The following CCDC192 variants were observed in gnomAD, a reference collection of about 807,000 sequenced individuals.
CCDC192 encodes the protein coiled-coil domain containing 192.
At chr5:127,899,553 C>T (rs1336335825) in intron 6 of CCDC192, among the ~76,000 whole-genome samples, 1 of 120,456 alleles carries the variant, frequency 8.3e-6, no homozygotes, top group East Asian at 2.3e-4. Flanking sequence ...ACCATCGTCA[C>T]ACTGCACCAA....
At chr5:127,911,425 C>T (rs1753343238) in intron 6 of CCDC192, among the ~76,000 whole-genome samples, 2 of 152,160 alleles carry the variant, frequency 1.3e-5, no homozygotes. Flanking sequence ...GAGACATTAC[C>T]AGTTACTTGT....
At chr5:127,765,731 A>G (rs1446594889) in intron 3 of CCDC192, among the ~76,000 whole-genome samples, 1 of 152,234 alleles carries the variant, frequency 6.6e-6, no homozygotes, top group African/African-American at 2.4e-5. Flanking sequence ...ACAGACTTCC[A>G]AAGAGGGGAG....
chr5:127,838,141 C>T (rs1386435404), intron 5 of CCDC192, among the ~76,000 whole-genome samples: 1 of 152,210 alleles, frequency 6.6e-6, no homozygotes, highest in East Asian at 1.9e-4. Context: ...TCTTTCATCT[C>T]CCTGACTCCT....
chr5:127,725,209 C>T lies in CCDC192; in HGVS notation c.114+17449C>T, dbSNP rs1009563192. The stretch of plus-strand genomic sequence containing the variant: ...GATACAGTCTGTCCTGTATGAAGTA[C>T]TCTATTTTCTTTATTTTCCATAGAG... On this transcript the variant is annotated intron_variant, in intron 2 of 6. Coordinates refer to ENST00000514853, the MANE Select transcript of CCDC192 (RefSeq NM_001317938.2). Among the ~76,000 whole-genome samples, 27 of 152,090 alleles carry T rather than the reference C, an allele frequency of 1.8e-4. 1 individual carries two copies. Among genetic ancestry groups the T allele is most frequent in the Non-Finnish European group, 4.0e-4 (27 of 67,996 alleles).
At chr5:127,916,131 T>C (rs1462288659) in intron 6 of CCDC192, among the ~76,000 whole-genome samples, 2 of 152,274 alleles carry the variant, frequency 1.3e-5, no homozygotes, top group African/African-American at 4.8e-5. Flanking sequence ...GTTCACAGCA[T>C]CTTCACCAGG....
chr5:127,911,833 A>G (rs1281744162), intron 6 of CCDC192, among the ~76,000 whole-genome samples: 2 of 151,462 alleles, frequency 1.3e-5, no homozygotes, highest in Non-Finnish European at 2.9e-5. Flanking sequence ...CTGTCTCCTC[A>G]GTAGCTGGGA....
At chr5:127,804,189 A>G (rs1355010211) in intron 5 of CCDC192, among the ~76,000 whole-genome samples, 1 of 152,212 alleles carries the variant, frequency 6.6e-6, no homozygotes, top group Non-Finnish European at 1.5e-5. Flanking sequence ...TGTTCTTACC[A>G]TAACAGAGGA....
chr5:127,891,471 T>C (rs1045763880), intron 6 of CCDC192, among the ~76,000 whole-genome samples: 1 of 149,290 alleles, frequency 6.7e-6, no homozygotes, highest in African/African-American at 2.5e-5. Flanking sequence ...TTTCTCCTGA[T>C]TGCTTTTTGT....
intron 6 of CCDC192, among the ~76,000 whole-genome samples, chr5:127,915,120 A>T (rs1010296343): frequency 1.3e-5 from 2 of 152,214 alleles, no homozygotes; most frequent in African/African-American, 2.4e-5. Flanking sequence ...ATATTGCAAT[A>T]AAGTGAGTCA....
chr5:127,896,437 T>C (rs245165), intron 6 of CCDC192, among the ~76,000 whole-genome samples: 5 of 107,850 alleles, frequency 4.6e-5, no homozygotes, highest in African/African-American at 1.1e-4. Context: ...TCTTCTTCTT[T>C]TTTTTTTTTT....
At chr5:127,759,362 C>A (rs1218716000) in intron 3 of CCDC192, among the ~76,000 whole-genome samples, 1 of 152,128 alleles carries the variant, frequency 6.6e-6, no homozygotes, top group Admixed American at 6.5e-5. Context: ...ATGATAAGTT[C>A]TTGAGGGCAC....
chr5:127,920,744 C>G (rs1753688369), intron 6 of CCDC192, among the ~76,000 whole-genome samples: 1 of 151,972 alleles, frequency 6.6e-6, no homozygotes, highest in African/African-American at 2.4e-5. Flanking sequence ...TTTTTGCTCA[C>G]TTTTGGTCCT....
intron 5 of CCDC192, among the ~76,000 whole-genome samples, chr5:127,837,237 C>T (rs1221632361): frequency 1.2e-5 from 1 of 81,492 alleles, no homozygotes; most frequent in Non-Finnish European, 2.9e-5. Context: ...CTTTTTCACA[C>T]TGCTATAAAC....
intron 6 of CCDC192, among the ~76,000 whole-genome samples, chr5:127,893,410 C>A (rs1340656354): frequency 6.6e-6 from 1 of 152,166 alleles, no homozygotes; most frequent in Non-Finnish European, 1.5e-5. Flanking sequence ...TCAACAAATG[C>A]TAGGTCTTAT....
chr5:127,880,284 G>C (rs2127142591), intron 6 of CCDC192, among the ~76,000 whole-genome samples: 1 of 152,164 alleles, frequency 6.6e-6, no homozygotes, highest in South Asian at 2.1e-4. Flanking sequence ...AAAAAGTGAT[G>C]AGTTCATGTC....
chr5:127,796,173 T>C (rs1757154835), intron 3 of CCDC192, among the ~76,000 whole-genome samples: 1 of 152,236 alleles, frequency 6.6e-6, no homozygotes, highest in Admixed American at 6.5e-5. Flanking sequence ...CCAGTATAGA[T>C]AATGTGCTTA....
chr5:127,929,777 TTAAG>T (rs2127200904), intron 6 of CCDC192, among the ~76,000 whole-genome samples: 1 of 152,308 alleles, frequency 6.6e-6, no homozygotes, highest in Non-Finnish European at 1.5e-5. Context: ...CTTTTTAAAA[TTAAG>T]GCAAACAAAT....
chr5:127,823,194 TTGTACAGG>T (rs1416823986), intron 5 of CCDC192, among the ~76,000 whole-genome samples: 3 of 152,228 alleles, frequency 2.0e-5, no homozygotes, highest in Non-Finnish European at 2.9e-5. Flanking sequence ...AGTAATCTCA[TTGTACAGG>T]TGTCTCTCCC....
chr5:127,771,997 GA>G (rs1197970321), intron 3 of CCDC192, among the ~76,000 whole-genome samples: 1 of 152,190 alleles, frequency 6.6e-6, no homozygotes, highest in African/African-American at 2.4e-5. Flanking sequence ...CAAATGGTGT[GA>G]ACTGTGTGGC....
Sources: gnomAD v4.1 joint callset for allele counts (sites outside exome capture counted in the v4.1 genomes callset) on GRCh38, gnomAD v4.1.1 for gene constraint, MANE v1.5 for transcripts, NCBI Gene and HGNC (gene_info 2026-07-23, HGNC 2026-07-21) for gene names.